Variants in AK3 observed in about 807,000 individuals in gnomAD.
The protein encoded by AK3 is adenylate kinase 3.
AK3 carries 27 observed loss-of-function variants against 23.7 expected under a neutral mutation model. The observed-to-expected ratio is 1.14, with a 90% confidence interval of 0.84 to 1.57. The LOEUF (loss-of-function observed/expected upper bound fraction) is 1.57, where lower values mean the gene tolerates loss of function less well. Among genes scored for constraint, AK3 ranks in the 40% most tolerant of loss-of-function variants. The pLI is 0.00. For synonymous variants in AK3, 159 were observed against 116.0 expected, an observed-to-expected ratio of 1.37 and a Z score of -2.38; for missense variants, 406 against 285.6, an observed-to-expected ratio of 1.42 and a Z score of -3.04.
At position 4,711,532 on chromosome 9, in the gene AK3, A is replaced by G. The variant is rs1340194975; in HGVS notation, c.*1444T>C. ...AAATAAAATTTTCCCCCCAAAACAC[A>G]TAAGAACCACTTACTGGCACTTGTA... On this transcript the variant is annotated 3_prime_UTR_variant, in exon 5 of 5. Coordinates refer to ENST00000381809, the MANE Select transcript of AK3 (RefSeq NM_016282.4). 3.9e-5 allele frequency: 6 copies of G among 152,622 alleles called. No individual in the cohort carries two copies. Among genetic ancestry groups the G allele is most frequent in the African/African-American group, 9.6e-5 (4 of 41,460 alleles). 9.5% of individuals were successfully genotyped at this position (152,622 alleles called of 1,614,324 possible). A position where few individuals can be genotyped will look rare whatever the true frequency, so the allele number is the denominator to read the frequency against.
chr9:4,727,928 G>A (rs1323414645), intron 1 of AK3, among the ~76,000 whole-genome samples: 8 of 152,252 alleles, frequency 5.3e-5, no homozygotes, highest in Admixed American at 1.3e-4. Context: ...AGGGAAGCTC[G>A]AGGAGAGAGA....
At chr9:4,732,301 A>T (rs1453520994) in intron 1 of AK3, among the ~76,000 whole-genome samples, 1 of 152,144 alleles carries the variant, frequency 6.6e-6, no homozygotes, top group Non-Finnish European at 1.5e-5. Flanking sequence ...ATAAGAATAC[A>T]GTATACAATA....
At chr9:4,728,503 G>A (rs569344530) in intron 1 of AK3, among the ~76,000 whole-genome samples, 11 of 152,256 alleles carry the variant, frequency 7.2e-5, no homozygotes, top group African/African-American at 1.2e-4. Context: ...CCTGGGAGGC[G>A]GAGGTTTCAG....
intron 1 of AK3, among the ~76,000 whole-genome samples, chr9:4,739,207 C>T (rs1587663737): frequency 6.6e-6 from 1 of 151,584 alleles, no homozygotes; most frequent in Non-Finnish European, 1.5e-5. Context: ...TTCTTTCTTT[C>T]TTTTTTTTCG....
At chr9:4,718,991 A>C in intron 3 of AK3, 144 bp downstream of exon 3, 1 of 881,120 alleles carries the variant, frequency 1.1e-6, no homozygotes, top group Non-Finnish European at 1.7e-6. Context: ...AGTGGACTTG[A>C]TCAGTCAACT....
intron 1 of AK3, among the ~76,000 whole-genome samples, chr9:4,732,493 C>G (rs1460264854): frequency 1.3e-5 from 2 of 151,952 alleles, no homozygotes; most frequent in African/African-American, 4.8e-5. Context: ...TTTTTTGATT[C>G]AAAAGTTAAC....
chr9:4,739,681 G>A (rs7874642), intron 1 of AK3, among the ~76,000 whole-genome samples: 8 of 151,598 alleles, frequency 5.3e-5, no homozygotes, highest in African/African-American at 1.7e-4. Context: ...CCTGTAATCC[G>A]AGCACTTTGG....
Position 4,710,487 on chromosome 9 carries a change from G to A in AK3, c.*2489C>T, listed in dbSNP as rs1027648940. ...GCCCGCCTCGGCCTCCCAAAGTGCTGGGATTACAGGCGTGAGCCACCGCGC... is the reference window on the plus strand; with the variant it reads ...GCCCGCCTCGGCCTCCCAAAGTGCTAGGATTACAGGCGTGAGCCACCGCGC... On this transcript the variant is annotated 3_prime_UTR_variant, in exon 5 of 5. Transcript: ENST00000381809. 2.0e-5 allele frequency: 3 copies of A among 151,722 alleles called. No homozygotes were observed. Among genetic ancestry groups the A allele is most frequent in the African/African-American group, 4.8e-5 (2 of 41,284 alleles). 9.4% of individuals were successfully genotyped at this position (151,722 alleles called of 1,614,324 possible).
chr9:4,729,015 A>ATATATATATATATATATTTT (rs71326127), intron 1 of AK3, among the ~76,000 whole-genome samples: 2 of 129,448 alleles, frequency 1.5e-5, no homozygotes, highest in East Asian at 2.4e-4. Context: ...ATATATATAT[A>ATATATATATATATATATTTT]TTTTTTTTTT....
rs776467690 is a variant in AK3, at chr9:4,735,270, TATAA to T, written c.151+5663_151+5666del. Among the ~76,000 whole-genome samples the T allele has an allele frequency of 1.0e-3, 35 of 34,056 alleles. 3 individuals carry two copies. Among genetic ancestry groups the T allele is most frequent in the East Asian group, 2.0e-3 (2 of 986 alleles). The allele number at this position is 34,056 out of a possible 152,430, so 22.3% of individuals were successfully genotyped here. A position where few individuals can be genotyped will look rare whatever the true frequency, so the allele number is the denominator to read the frequency against. On this transcript the variant is annotated intron_variant, in intron 1 of 4. Transcript: ENST00000381809. The stretch of plus-strand genomic sequence containing the variant: ...AAATATATATATATATAAATATATA[TATAA>T]ATATATATACATATATAAATATATA...
intron 2 of AK3, among the ~76,000 whole-genome samples, chr9:4,720,679 A>G (rs1841872398): frequency 1.6e-5 from 2 of 124,986 alleles, no homozygotes; most frequent in Middle Eastern, 3.9e-3. Context: ...ACAGAGCAAG[A>G]CACTGTCTCC....
Position 4,719,246 on chromosome 9 carries a change from C to T in AK3, c.333G>A (p.Val111=), listed in dbSNP as rs777638742. ...ALDRAYQIDT[V]INLNVPFEVI... ...CCTCAAAGGGCACATTCAGGTTAAT[C>T]ACTGTGTCGATCTGATAAGCTCTAT... is the stretch of plus-strand genomic sequence containing the variant. Residue 111 remains valine, a synonymous_variant, in exon 3 of 5, where the codon GTG becomes GTA. Transcript: ENST00000381809. 5 of 1,611,610 alleles carry T rather than the reference C, an allele frequency of 3.1e-6. No homozygotes were observed. The highest frequency in any genetic ancestry group is 1.1e-5 in the South Asian group (1 of 90,982).
Position 4,712,884 on chromosome 9 carries a change from A to T in AK3, c.*92T>A. On this transcript the variant is annotated 3_prime_UTR_variant, in exon 5 of 5. Transcript: ENST00000381809. ...AAGTAATATAATTTTCAAAGAATTCATACATACTAGAAGTCTTAGGAAAAG... is the reference window on the plus strand; with the variant it reads ...AAGTAATATAATTTTCAAAGAATTCTTACATACTAGAAGTCTTAGGAAAAG... The T allele has an allele frequency of 1.5e-6, 2 of 1,378,474 alleles. No individual in the cohort carries two copies. The highest frequency in any genetic ancestry group is 2.0e-6 in the Non-Finnish European group (2 of 1,015,202). The allele number at this position is 1,378,474 out of a possible 1,614,324, so 85.4% of individuals were successfully genotyped here.
chr9:4,715,607 C>T (rs1156517854), intron 4 of AK3, among the ~76,000 whole-genome samples: 3 of 151,980 alleles, frequency 2.0e-5, no homozygotes, highest in Admixed American at 1.3e-4. Context: ...CCATGTTGCC[C>T]AGGCTGATCT....
chr9:4,713,571 T>C (rs1841619970), intron 4 of AK3, among the ~76,000 whole-genome samples: 1 of 151,796 alleles, frequency 6.6e-6, no homozygotes. Context: ...AAAAGCTACT[T>C]TCTAATACTT....
intron 1 of AK3, among the ~76,000 whole-genome samples, chr9:4,725,624 A>C (rs889995174): frequency 5.3e-5 from 8 of 152,120 alleles, no homozygotes; most frequent in African/African-American, 1.9e-4. Flanking sequence ...ACGAAAAGAA[A>C]AGAAGTGAAA....
chr9:4,715,168 G>A (rs1841688202), intron 4 of AK3, among the ~76,000 whole-genome samples: 1 of 146,586 alleles, frequency 6.8e-6, no homozygotes, highest in Non-Finnish European at 1.5e-5. Context: ...GCAGTGAGCT[G>A]GGATGGCACC....
intron 1 of AK3, among the ~76,000 whole-genome samples, chr9:4,731,279 TC>T (rs564290599): frequency 1.4e-3 from 212 of 152,188 alleles, no homozygotes; most frequent in Non-Finnish European, 2.6e-3. Context: ...CCCACCTCCA[TC>T]CTCTGAAAGG....
At chr9:4,714,702 T>A (rs1040932187) in intron 4 of AK3, among the ~76,000 whole-genome samples, 2 of 152,218 alleles carry the variant, frequency 1.3e-5, no homozygotes, top group African/African-American at 4.8e-5. Flanking sequence ...GGAACCAGCT[T>A]CAACAATTGG....
Sources: allele counts gnomAD v4.1 joint callset (sites outside exome capture counted in the v4.1 genomes callset), GRCh38; gene constraint gnomAD v4.1.1; transcripts MANE v1.5; gene names NCBI Gene and HGNC (gene_info 2026-07-23, HGNC 2026-07-21).